The following ZFYVE16 variants were observed in gnomAD, a reference collection of about 807,000 sequenced individuals.
ZFYVE16 encodes the protein zinc finger FYVE domain-containing protein 16.
ZFYVE16 carries 89 observed loss-of-function variants against 138.1 expected under a neutral mutation model. That is an observed-to-expected ratio of 0.64 (90% CI 0.54 to 0.77). ZFYVE16 has a LOEUF of 0.77. Among genes scored for constraint, ZFYVE16 ranks in the 30% least tolerant of loss-of-function variants. The pLI is 0.00. For synonymous variants in ZFYVE16, 596 were observed against 618.3 expected (o/e 0.96, Z 0.53); for missense variants, 1,793 against 1,786.7 (o/e 1.00, Z -0.06).
chr5:80,409,971 CTTTT>C (rs1234750535), intron 1 of ZFYVE16: 2 of 151,852 alleles, frequency 1.3e-5, no homozygotes, highest in South Asian at 4.2e-4. Flanking sequence ...TAGAGTTTTG[CTTTT>C]TTTTAAGTTT....
chr5:80,448,336 T>C lies in ZFYVE16; in HGVS notation c.3035T>C (p.Ile1012Thr), dbSNP rs1191120142. 1.2e-6 allele frequency: 2 copies of C among 1,608,780 alleles called. No homozygotes were observed. The highest frequency in any genetic ancestry group is 1.1e-5 in the South Asian group (1 of 90,598). The change falls in exon 8 of 19, where the codon ATT becomes ACT. Residue 1012 changes from isoleucine to threonine, a missense_variant. Ile to Thr is a moderately conservative substitution (Grantham distance 89). This residue lies in a region of ZFYVE16 where 1,295 missense variants were observed against 1,204.3 expected (regional missense o/e 1.08). Transcript: ENST00000505560. ...ATTAACAAGTATGTCTGCAATAAGA[T>C]TAGTCTTCTACCTAATGATGAGGAC... ...CDINKYVCNKISLLPNDEDSL... is the reference protein window; with the variant it reads ...CDINKYVCNKTSLLPNDEDSL...
At chr5:80,462,787 G>A (rs1448271306) in intron 15 of ZFYVE16, among the ~76,000 whole-genome samples, 2 of 152,140 alleles carry the variant, frequency 1.3e-5, no homozygotes, top group South Asian at 2.1e-4. Context: ...ATACATTTGG[G>A]GTACAGGCGT....
chr5:80,470,099 G>A (rs432651), intron 15 of ZFYVE16, among the ~76,000 whole-genome samples: 95,128 of 120,792 alleles, frequency 0.79, 38,913 homozygotes, highest in Non-Finnish European at 0.89. Context: ...GTGTGTGTGT[G>A]TATTTTTTTT....
At chr5:80,431,673 G>C (rs569425185) in intron 2 of ZFYVE16, among the ~76,000 whole-genome samples, 2 of 152,196 alleles carry the variant, frequency 1.3e-5, no homozygotes, top group South Asian at 4.2e-4. Context: ...TAACATGATT[G>C]TATATTTAGA....
At chr5:80,474,582 T>C in intron 17 of ZFYVE16, 81 bp from the exon 18 acceptor site, 1 of 1,361,354 alleles carries the variant, frequency 7.3e-7, no homozygotes, top group Non-Finnish European at 1.0e-6. Context: ...CATTGGAATT[T>C]AATTAAACTT....
chr5:80,447,072 C>T (rs1478326757), intron 7 of ZFYVE16, among the ~76,000 whole-genome samples: 2 of 151,810 alleles, frequency 1.3e-5, no homozygotes, highest in Non-Finnish European at 2.9e-5. Flanking sequence ...GACCGCCTGA[C>T]CAACATGGCA....
intron 6 of ZFYVE16, chr5:80,443,715 T>C (rs1580247434): frequency 2.2e-6 from 1 of 456,552 alleles, no homozygotes; most frequent in East Asian, 6.9e-5. Flanking sequence ...CTGTTGGTGG[T>C]GCTGCTGCAA....
intron 2 of ZFYVE16, among the ~76,000 whole-genome samples, chr5:80,427,955 G>C (rs1369547104): frequency 1.0e-4 from 12 of 119,802 alleles, no homozygotes; most frequent in African/African-American, 3.8e-4. Flanking sequence ...ATGCGTGACA[G>C]AGCGAGACTC....
At chr5:80,449,944 G>A (rs553043829) in intron 9 of ZFYVE16, among the ~76,000 whole-genome samples, 1 of 152,164 alleles carries the variant, frequency 6.6e-6, no homozygotes, top group Non-Finnish European at 1.5e-5. Context: ...TTAAGGTCAT[G>A]GGCTTATATA....
rs556709053 is a variant in ZFYVE16 at position 80,479,832 on chromosome 5, C to T, written c.*2455C>T. Among the ~76,000 whole-genome samples the T allele has an allele frequency of 1.3e-5, 2 of 152,224 alleles. No homozygotes were observed. The highest frequency in any genetic ancestry group is 2.1e-4 in the South Asian group (1 of 4,826). ...AAGGTGATGAACCTAACAGGAGACC[C>T]TCCACACAATAGGCTGAGACTCCCA... On this transcript the variant is annotated 3_prime_UTR_variant, in exon 19 of 19. Coordinates refer to ENST00000505560, the MANE Select transcript of ZFYVE16 (RefSeq NM_001284236.3).
chr5:80,438,022 C>A lies in ZFYVE16; in HGVS notation c.1337C>A (p.Ser446Ter). The A allele has an allele frequency of 6.2e-7, 1 of 1,613,954 alleles. No individual in the cohort carries two copies. The highest frequency in any genetic ancestry group is 1.1e-5 in the South Asian group (1 of 91,046). ...QEKCKSILLQ[S>*]LIEGMEDRKI... Reference sequence around the variant, plus strand: ...AAATGTAAAAGCATACTCCTTCAGTCATTAATTGAAGGGATGGAAGACAGA... The same window carrying A: ...AAATGTAAAAGCATACTCCTTCAGTAATTAATTGAAGGGATGGAAGACAGA... The change falls in exon 4 of 19, where the codon TCA (serine) becomes TAA (stop). Residue 446 changes from serine to a stop codon, truncating the protein, a stop_gained. Coordinates refer to ENST00000505560, the MANE Select transcript of ZFYVE16 (RefSeq NM_001284236.3). LOFTEE classifies it high-confidence loss of function.
At chr5:80,470,642 G>A (rs537316666) in intron 15 of ZFYVE16, among the ~76,000 whole-genome samples, 2 of 150,998 alleles carry the variant, frequency 1.3e-5, no homozygotes, top group Non-Finnish European at 3.0e-5. Flanking sequence ...TCTTGAGTAG[G>A]TGGGACTGCA....
Position 80,465,396 on chromosome 5 carries a change from C to CTTTTTTTTTTTTTTTTTT in ZFYVE16, c.4024+5905_4024+5906insTTTTTTTTTTTTTTTTTT, listed in dbSNP as rs1187412933. On this transcript the variant is annotated intron_variant, in intron 15 of 18. Transcript: ENST00000505560. ...CCATGGTTTCTTTTTTTTTCCTTTT[C>CTTTTTTTTTTTTTTTTTT]TTTGTTTTTTTTTTTTTTTTTTTTT... is the stretch of plus-strand genomic sequence containing the variant. Among the ~76,000 whole-genome samples, 36 of 26,390 alleles carry CTTTTTTTTTTTTTTTTTT rather than the reference C, an allele frequency of 1.4e-3. 1 individual carries two copies. The highest frequency in any genetic ancestry group is 2.5e-3 in the Non-Finnish European group (24 of 9,518). The allele number at this position is 26,390 out of a possible 152,430, so 17.3% of individuals were successfully genotyped here.
At position 80,444,497 on chromosome 5, in the gene ZFYVE16, A is replaced by G. The variant is rs922032169; in HGVS notation, c.2582-766A>G. On this transcript the variant is annotated intron_variant, in intron 6 of 18. Transcript: ENST00000505560. The stretch of plus-strand genomic sequence containing the variant: ...AAATCATCTGGCAGAGATTTTCGTA[A>G]CCTTCCTCTATGGATGCTTTGTAAG... Among the ~76,000 whole-genome samples the G allele has an allele frequency of 8.6e-5, 13 of 151,508 alleles. No homozygotes were observed. In the East Asian group the frequency reaches 1.7e-3, roughly 20 times the overall value.
chr5:80,472,884 A>G lies in ZFYVE16; in HGVS notation c.4148A>G (p.Asp1383Gly). 1 of 1,613,796 alleles carries G rather than the reference A, an allele frequency of 6.2e-7. No individual in the cohort carries two copies. Among genetic ancestry groups the G allele is most frequent in the South Asian group, 1.1e-5 (1 of 91,032 alleles). ...VDAVDLREYVDICWVDAEEKG... is the reference protein window; with the variant it reads ...VDAVDLREYVGICWVDAEEKG... ...GCAGTAGACCTGAGAGAATACGTGG[A>G]TATCTGCTGGGTAGATGCTGAAGAA... The change falls in exon 16 of 19, where the codon GAT (aspartate) becomes GGT (glycine). Residue 1383 changes from aspartate (D) to glycine (G), a missense_variant. Transcript: ENST00000505560.
chr5:80,448,198 C>T lies in ZFYVE16; in HGVS notation c.2897C>T (p.Thr966Ile), dbSNP rs1751597503. The T allele has an allele frequency of 6.2e-7, 1 of 1,613,866 alleles. No homozygotes were observed. Among genetic ancestry groups the T allele is most frequent in the Non-Finnish European group, 8.5e-7 (1 of 1,179,900 alleles). The change falls in exon 8 of 19, where the codon ACA (threonine) becomes ATA (isoleucine). Residue 966 changes from threonine (T) to isoleucine (I), a missense_variant. By Grantham distance (89) the Thr-to-Ile change is moderately conservative (BLOSUM62 -1). Transcript: ENST00000505560. ...NEGLPTSGSF[T>I]LDDDVFAETE... ...GGGTTACCTACTTCTGGTTCATTTA[C>T]ACTAGATGATGATGTTTTTGCAGAA...
Position 80,481,333 on chromosome 5 carries a change from A to G in ZFYVE16, c.*3956A>G, listed in dbSNP as rs1265157994. Among the ~76,000 whole-genome samples the G allele has an allele frequency of 2.0e-5, 3 of 152,228 alleles. No individual in the cohort carries two copies. The highest frequency in any genetic ancestry group is 4.4e-5 in the Non-Finnish European group (3 of 68,040). On this transcript the variant is annotated 3_prime_UTR_variant, in exon 19 of 19. Coordinates refer to ENST00000505560, the MANE Select transcript of ZFYVE16 (RefSeq NM_001284236.3). The stretch of plus-strand genomic sequence containing the variant: ...TAGGTAAGATCACAAATAGGAGGGA[A>G]CTGAAGAAAAGGAACCCTTAAATCT...
rs146900338 is a variant in ZFYVE16 at position 80,445,074 on chromosome 5, G to A, written c.2582-189G>A. Among the ~76,000 whole-genome samples, 310 of 152,218 alleles carry A rather than the reference G, an allele frequency of 2.0e-3. 1 individual carries two copies. Among genetic ancestry groups the A allele is most frequent in the African/African-American group, 7.1e-3 (294 of 41,544 alleles). On this transcript the variant is annotated intron_variant, in intron 6 of 18. Coordinates refer to ENST00000505560, the MANE Select transcript of ZFYVE16 (RefSeq NM_001284236.3). ...ACTCCTGCTCCCTTTGTACGAATTA[G>A]ATAGAAACAGACTCCACTTAGGATA...
At chr5:80,434,913 G>A (rs940074697) in intron 3 of ZFYVE16, among the ~76,000 whole-genome samples, 4 of 152,176 alleles carry the variant, frequency 2.6e-5, no homozygotes, top group African/African-American at 7.2e-5. Flanking sequence ...CCAGGCTGGA[G>A]TGCAGTGGCG....
Sources: gnomAD v4.1 joint callset for allele counts (sites outside exome capture counted in the v4.1 genomes callset) on GRCh38, gnomAD v4.1.1 for gene constraint, gnomAD v4.1.1 regional missense constraint, MANE v1.5 for transcripts, NCBI Gene and HGNC (gene_info 2026-07-23, HGNC 2026-07-21) for gene names.